PIK3C2G: variants seen among roughly 807,000 people sequenced by gnomAD.
PIK3C2G encodes phosphatidylinositol 3-kinase C2 domain-containing subunit gamma.
A neutral mutation model predicts 181.1 loss-of-function variants in PIK3C2G; 168 were observed. The ratio of observed to expected loss-of-function variants is 0.93; its 90% confidence interval spans 0.82 to 1.05. PIK3C2G has a LOEUF of 1.05. Among genes scored for constraint, PIK3C2G ranks in the 50% least tolerant of loss-of-function variants. PIK3C2G has a pLI of 0.00. For synonymous variants in PIK3C2G, 573 were observed against 592.2 expected, an observed-to-expected ratio of 0.97 and a Z score of 0.47; for missense variants, 1,869 against 1,732.8, an observed-to-expected ratio of 1.08 and a Z score of -1.40.
chr12:18,282,362 G>C lies in PIK3C2G; in HGVS notation c.281G>C (p.Arg94Pro). 6.2e-7 allele frequency: 1 copy of C among 1,613,546 alleles called. No individual in the cohort carries two copies. The highest frequency in any genetic ancestry group is 1.1e-5 in the South Asian group (1 of 91,074). The stretch of plus-strand genomic sequence containing the variant: ...TTGAATGAATTCACTTCTAAAAGCC[G>C]TGAACTCTCCTGGCATCAAGTTAGC... ...ISLNEFTSKS[R>P]ELSWHQVSKA... Residue 94 changes from arginine to proline, a missense_variant, in exon 2 of 33, where the codon CGT becomes CCT. By Grantham distance (103) the Arg-to-Pro change is moderately radical. Transcript: ENST00000538779.
intron 1 of PIK3C2G, among the ~76,000 whole-genome samples, 181 bp from the exon 2 acceptor site, chr12:18,281,823 T>A (rs776707298): frequency 5.9e-5 from 9 of 152,104 alleles, no homozygotes; most frequent in Admixed American, 3.3e-4. Context: ...AAGTCAATAC[T>A]TTCCTTTCAG....
At chr12:18,300,115 C>A (rs1025721440) in intron 5 of PIK3C2G, among the ~76,000 whole-genome samples, 1 of 151,812 alleles carries the variant, frequency 6.6e-6, no homozygotes, top group African/African-American at 2.4e-5. Context: ...TGTGTTAGTT[C>A]TTCTTTATAA....
the PIK3C2G span, among the ~76,000 whole-genome samples, chr12:18,665,663 G>A: frequency 1.3e-5 from 2 of 152,188 alleles, no homozygotes; most frequent in Admixed American, 6.5e-5. Flanking sequence ...CGGTCTGGAC[G>A]CAGTGGCTCA....
chr12:18,313,858 C>G (rs946178176), intron 5 of PIK3C2G, 104 bp from the exon 6 acceptor site: 2 of 658,908 alleles, frequency 3.0e-6, no homozygotes, highest in Non-Finnish European at 5.4e-6. Flanking sequence ...TCAGTTTTTA[C>G]CAAACTAAGT....
rs1371985022 is a variant in PIK3C2G, at chr12:18,255,248, TAAATAAAC to T, written c.-79+7170_-79+7177del. ...ATAAATAAATAAATAAATAAATAAA[TAAATAAAC>T]AAACAAACAAACAAATAAATGAAAG... On this transcript the variant is annotated intron_variant, in intron 1 of 11. Transcript: ENST00000535651. Among the ~76,000 whole-genome samples, 300 of 135,750 alleles carry T rather than the reference TAAATAAAC, an allele frequency of 2.2e-3. 4 individuals carry two copies. In the South Asian group the frequency reaches 0.033, roughly 15 times the overall value. The allele number at this position is 135,750 out of a possible 152,430, so 89.1% of individuals were successfully genotyped here.
intron 24 of PIK3C2G, among the ~76,000 whole-genome samples, chr12:18,520,053 C>T (rs977067641): frequency 2.7e-5 from 4 of 148,562 alleles, no homozygotes; most frequent in Admixed American, 6.7e-5. Context: ...CCACCCCTCT[C>T]TTCTGTCTTG....
At chr12:18,328,702 A>G (rs1447997549) in intron 8 of PIK3C2G, among the ~76,000 whole-genome samples, 1 of 152,034 alleles carries the variant, frequency 6.6e-6, no homozygotes, top group Non-Finnish European at 1.5e-5. Context: ...TAATTAATGA[A>G]ACAATGGATA....
chr12:18,712,990 G>T, the PIK3C2G span: 1 of 1,613,744 alleles, frequency 6.2e-7, no homozygotes, highest in South Asian at 1.1e-5. Context: ...AAGGGCACTA[G>T]CAAAATTTCA....
At chr12:18,401,153 G>C (rs547406162) in intron 16 of PIK3C2G, among the ~76,000 whole-genome samples, 1 of 152,016 alleles carries the variant, frequency 6.6e-6, no homozygotes, top group Admixed American at 6.6e-5. Flanking sequence ...TATTACCTAG[G>C]ACGTAGTAAT....
chr12:18,462,807 C>T lies in PIK3C2G; in HGVS notation c.2505-25642C>T, dbSNP rs554994917. ...TGATTAAATTGGCCTCATTTCAACACATAATATTGGCTGCTTCCTAAAGAT... is the reference window on the plus strand; with the variant it reads ...TGATTAAATTGGCCTCATTTCAACATATAATATTGGCTGCTTCCTAAAGAT... On this transcript the variant is annotated intron_variant, in intron 18 of 32. Transcript: ENST00000538779. 1.3e-3 allele frequency among the ~76,000 whole-genome samples: 198 copies of T among 152,200 alleles called. 1 individual carries two copies. Among genetic ancestry groups the T allele is most frequent in the African/African-American group, 4.5e-3 (189 of 41,552 alleles).
At chr12:18,439,182 G>T (rs1946603023) in intron 18 of PIK3C2G, among the ~76,000 whole-genome samples, 1 of 151,932 alleles carries the variant, frequency 6.6e-6, no homozygotes, top group Non-Finnish European at 1.5e-5. Flanking sequence ...ACCAGTTTAT[G>T]GGCCTGTTAA....
chr12:18,457,761 A>G (rs7316820), intron 18 of PIK3C2G, among the ~76,000 whole-genome samples: 28,353 of 152,068 alleles, frequency 0.19, 3,534 homozygotes, highest in African/African-American at 0.36. Flanking sequence ...AGTAGAGTAA[A>G]CTGCCTATTC....
the PIK3C2G span, chr12:18,696,294 A>C: frequency 2.1e-6 from 2 of 964,274 alleles, no homozygotes; most frequent in South Asian, 3.0e-5. Context: ...AAACATTGTG[A>C]AAGAATTCAA....
chr12:18,346,603 C>T (rs1939691892), intron 10 of PIK3C2G, 38 bp from the exon 11 acceptor site: 1 of 1,231,484 alleles, frequency 8.1e-7, no homozygotes, highest in Non-Finnish European at 1.2e-6. Context: ...TAAATATGGC[C>T]CTTCTTAGTG....
At chr12:18,439,709 T>C (rs572020956) in intron 18 of PIK3C2G, among the ~76,000 whole-genome samples, 2 of 152,244 alleles carry the variant, frequency 1.3e-5, no homozygotes, top group South Asian at 4.1e-4. Context: ...CATCATTTCC[T>C]TACTGCTAGT....
At chr12:18,292,210 CAAAAAA>C (rs745371375) in intron 4 of PIK3C2G, among the ~76,000 whole-genome samples, 1 of 28,622 alleles carries the variant, frequency 3.5e-5, no homozygotes, top group African/African-American at 1.3e-4. Flanking sequence ...AACTCCATCT[CAAAAAA>C]AAAAAAAAAA....
At chr12:18,424,492 C>T (rs532226575) in intron 18 of PIK3C2G, among the ~76,000 whole-genome samples, 4 of 152,146 alleles carry the variant, frequency 2.6e-5, no homozygotes, top group Admixed American at 1.3e-4. Flanking sequence ...GAGCACTAAA[C>T]TTTTCCCAAA....
At chr12:18,454,728 A>C (rs1391771039) in intron 18 of PIK3C2G, among the ~76,000 whole-genome samples, 1 of 152,206 alleles carries the variant, frequency 6.6e-6, no homozygotes, top group African/African-American at 2.4e-5. Context: ...TACCAGATGT[A>C]GTCAGATTCT....
intron 31 of PIK3C2G, among the ~76,000 whole-genome samples, chr12:18,626,828 T>A (rs1331044599): frequency 1.3e-5 from 2 of 152,022 alleles, no homozygotes; most frequent in Non-Finnish European, 2.9e-5. Flanking sequence ...TTTTCTTTGA[T>A]TTTTTTAATA....
Sources: gnomAD v4.1 joint callset for allele counts (sites outside exome capture counted in the v4.1 genomes callset) on GRCh38, gnomAD v4.1.1 for gene constraint, MANE v1.5 for transcripts, NCBI Gene and HGNC (gene_info 2026-07-23, HGNC 2026-07-21) for gene names.